CATSPERD: variants seen among roughly 807,000 people sequenced by gnomAD.
CATSPERD encodes catsper channel auxiliary subunit delta.
Under a neutral mutation model 98.1 loss-of-function variants are expected in CATSPERD, and 86 were observed. The ratio of observed to expected loss-of-function variants is 0.88; its 90% CI spans 0.74 to 1.05. The LOEUF is 1.05. Among genes scored for constraint, CATSPERD ranks in the 50% least tolerant of loss-of-function variants. The pLI is 0.00. For synonymous variants in CATSPERD, 394 were observed against 390.2 expected (o/e 1.01, Z -0.12); for missense variants, 995 against 1,005.7 (o/e 0.99, Z 0.14).
intron 20 of CATSPERD, among the ~76,000 whole-genome samples, chr19:5,773,802 G>A (rs1471416543): frequency 6.7e-6 from 1 of 150,204 alleles, no homozygotes; most frequent in Non-Finnish European, 1.5e-5. Flanking sequence ...AAGTCACCAC[G>A]CTCAGCCTCA....
chr19:5,733,432 CCTTT>C (rs58636983), intron 4 of CATSPERD, among the ~76,000 whole-genome samples: 6,184 of 144,692 alleles, frequency 0.043, 323 homozygotes, highest in African/African-American at 0.11. Flanking sequence ...CTTCCTTCCT[CCTTT>C]CTTTCTTTCT....
At chr19:5,770,878 G>A in intron 18 of CATSPERD, 66 bp from the exon 19 acceptor site, 1 of 1,531,994 alleles carries the variant, frequency 6.5e-7, no homozygotes, top group Non-Finnish European at 8.8e-7. Flanking sequence ...AACTGCGGCT[G>A]TGAAGGGTTG....
At chr19:5,762,566 T>C (rs2056460488) in intron 15 of CATSPERD, among the ~76,000 whole-genome samples, 5 of 152,014 alleles carry the variant, frequency 3.3e-5, no homozygotes, top group Admixed American at 3.3e-4. Flanking sequence ...GATGAGTGGA[T>C]AGATGGATAG....
intron 6 of CATSPERD, among the ~76,000 whole-genome samples, chr19:5,738,020 A>G (rs925113327): frequency 6.6e-6 from 1 of 152,038 alleles, no homozygotes; most frequent in African/African-American, 2.4e-5. Context: ...AAATACATCC[A>G]TCTATAGTTG....
Position 5,724,865 on chromosome 19 carries a change from A to G in CATSPERD, c.126+3A>G, listed in dbSNP as rs2055574390. The G allele has an allele frequency of 6.2e-7, 1 of 1,613,624 alleles. No homozygotes were observed. The highest frequency in any genetic ancestry group is 1.1e-5 in the South Asian group (1 of 91,074). ...ATCTGATACAGGACGTTCAAGGGGTATGTGGCTCCATGCTTAAATTCATCC... is the reference window on the plus strand; with the variant it reads ...ATCTGATACAGGACGTTCAAGGGGTGTGTGGCTCCATGCTTAAATTCATCC... On this transcript the variant is annotated splice_donor_region_variant and intron_variant, in intron 2 of 21. Transcript: ENST00000381624.
intron 13 of CATSPERD, among the ~76,000 whole-genome samples, chr19:5,754,907 C>T (rs1445446696): frequency 6.7e-6 from 1 of 148,198 alleles, no homozygotes. Context: ...TGCAATGGCA[C>T]GATCTCGGCT....
intron 20 of CATSPERD, chr19:5,775,283 G>A (rs142404519): frequency 1.2e-4 from 56 of 471,296 alleles, no homozygotes; most frequent in Middle Eastern, 9.7e-4. Context: ...AGAGCTCCCC[G>A]CTTCTAGTGA....
Position 5,748,247 on chromosome 19 carries a change from T to C in CATSPERD, c.896T>C (p.Ile299Thr). The C allele has an allele frequency of 6.2e-7, 1 of 1,613,804 alleles. No homozygotes were observed. The highest frequency in any genetic ancestry group is 8.5e-7 in the Non-Finnish European group (1 of 1,179,736). The change falls in exon 10 of 22, where the codon ATT (isoleucine) becomes ACT (threonine). Residue 299 changes from isoleucine (I) to threonine (T), a missense_variant. By Grantham distance (89) the Ile-to-Thr change is moderately conservative. Transcript: ENST00000381624. ...GAAGCCAAGATCACCATCCACAACA[T>C]TGCTGTCAGTGCGTAGCCGACCCAC... Reference protein sequence around the residue: ...IFEAKITIHNIAVTENELAVI... With the variant: ...IFEAKITIHNTAVTENELAVI...
At chr19:5,743,606 G>GAAAA (rs58070165) in intron 7 of CATSPERD, among the ~76,000 whole-genome samples, 2 of 140,068 alleles carry the variant, frequency 1.4e-5, no homozygotes, top group South Asian at 2.3e-4. Flanking sequence ...CTCAAAAAAA[G>GAAAA]AAAAAAAGAA....
At chr19:5,761,067 A>C in intron 15 of CATSPERD, among the ~76,000 whole-genome samples, 1 of 148,406 alleles carries the variant, frequency 6.7e-6, no homozygotes, top group Non-Finnish European at 1.5e-5. Context: ...ACGAAGTTTC[A>C]CTCTTGTTGC....
At chr19:5,775,166 C>T in intron 20 of CATSPERD, 2 of 460,532 alleles carry the variant, frequency 4.3e-6, no homozygotes, top group South Asian at 1.6e-5. Flanking sequence ...GTTACTACTG[C>T]TACTACTTGA....
chr19:5,734,052 G>A (rs1177749030), intron 5 of CATSPERD, 82 bp downstream of exon 5: 3 of 800,160 alleles, frequency 3.7e-6, no homozygotes, highest in Non-Finnish European at 3.9e-6. Context: ...AAGTATAAGC[G>A]ATGCTCCTAC....
intron 8 of CATSPERD, 71 bp downstream of exon 8, chr19:5,744,581 A>G (rs1371688001): frequency 2.1e-6 from 2 of 958,774 alleles, no homozygotes; most frequent in Non-Finnish European, 3.1e-6. Context: ...TACAACTCGC[A>G]CATTTTTAAA....
At chr19:5,722,741 C>G (rs1009348171) in intron 1 of CATSPERD, among the ~76,000 whole-genome samples, 7 of 143,534 alleles carry the variant, frequency 4.9e-5, no homozygotes, top group African/African-American at 1.8e-4. Flanking sequence ...CCCCCCCCCC[C>G]GCAACCCCGG....
chr19:5,778,469 C>G lies in CATSPERD; in HGVS notation c.2190C>G (p.Ile730Met), dbSNP rs1216531195. The change falls in exon 22 of 22, where the codon ATC (isoleucine) becomes ATG (methionine). Residue 730 changes from isoleucine (I) to methionine (M), a missense_variant. By Grantham distance (10) the Ile-to-Met change is conservative. Coordinates refer to ENST00000381624, the MANE Select transcript of CATSPERD (RefSeq NM_152784.4). ...VSAGVVILLIISSILGSVWLA... is the reference protein window; with the variant it reads ...VSAGVVILLIMSSILGSVWLA... ...CTGGAGTCGTCATCCTACTGATCATCTCCAGCATCCTGGGGTCCGTTTGGC... is the reference window on the plus strand; with the variant it reads ...CTGGAGTCGTCATCCTACTGATCATGTCCAGCATCCTGGGGTCCGTTTGGC... 3.1e-6 allele frequency: 5 copies of G among 1,613,922 alleles called. No homozygotes were observed. The African/African-American group carries it at 6.7e-5, about 22-fold the overall frequency.
At chr19:5,772,614 C>T in intron 19 of CATSPERD, among the ~76,000 whole-genome samples, 174 bp from the exon 20 acceptor site, 1 of 152,196 alleles carries the variant, frequency 6.6e-6, no homozygotes, top group East Asian at 1.9e-4. Flanking sequence ...TTCTCCTGGC[C>T]TCCCCGCAGC....
intron 8 of CATSPERD, among the ~76,000 whole-genome samples, chr19:5,744,999 G>T (rs562156243): frequency 2.6e-5 from 4 of 152,108 alleles, no homozygotes; most frequent in African/African-American, 7.2e-5. Context: ...CTGGAGTGCA[G>T]TGGTGTAATC....
At chr19:5,722,942 A>C (rs970372074) in intron 1 of CATSPERD, among the ~76,000 whole-genome samples, 1 of 152,052 alleles carries the variant, frequency 6.6e-6, no homozygotes, top group African/African-American at 2.4e-5. Context: ...TAATCCCAGC[A>C]CTTTGGGAGG....
intron 18 of CATSPERD, 74 bp downstream of exon 18, chr19:5,768,316 G>A (rs2056581402): frequency 5.3e-6 from 4 of 760,678 alleles, no homozygotes; most frequent in Admixed American, 6.0e-5. Flanking sequence ...GAGCAAATTA[G>A]GAATTTTATT....
Sources: allele counts gnomAD v4.1 joint callset (sites outside exome capture counted in the v4.1 genomes callset), GRCh38; gene constraint gnomAD v4.1.1; transcripts MANE v1.5; gene names NCBI Gene and HGNC (gene_info 2026-07-23, HGNC 2026-07-21).